The following PIK3C2G variants were observed in gnomAD, a reference collection of about 807,000 sequenced individuals.
PIK3C2G encodes the protein phosphatidylinositol-4-phosphate 3-kinase catalytic subunit type 2 gamma.
Under a neutral mutation model 181.1 loss-of-function variants are expected in PIK3C2G, and 168 were observed. That is an observed-to-expected ratio of 0.93 (90% CI 0.82 to 1.05). The LOEUF is 1.05. PIK3C2G is among the 50% of genes least tolerant of loss of function. The pLI is 0.00. For missense variants in PIK3C2G, 1,869 were observed against 1,732.8 expected (o/e 1.08, Z -1.40); for synonymous variants, 573 against 592.2 (o/e 0.97, Z 0.47).
chr12:18,488,443 C>G lies in PIK3C2G; in HGVS notation c.2505-6C>G, dbSNP rs1224209973. ...ACAAGAATTTTTTTCTCTCTCTTTC[C>G]TTCAGGCTGCTAAAAAATGCAGAAA... On this transcript the variant is annotated splice_region_variant and splice_polypyrimidine_tract_variant and intron_variant, in intron 18 of 32. Transcript: ENST00000538779. 5 of 1,497,822 alleles carry G rather than the reference C, an allele frequency of 3.3e-6. No homozygotes were observed. Among genetic ancestry groups the G allele is most frequent in the African/African-American group, 1.4e-5 (1 of 69,332 alleles). The allele number at this position is 1,497,822 out of a possible 1,614,324, so 92.8% of individuals were successfully genotyped here. A position where few individuals can be genotyped will look rare whatever the true frequency, so the allele number is the denominator to read the frequency against.
intron 11 of PIK3C2G, among the ~76,000 whole-genome samples, chr12:18,349,557 T>A (rs898703472): frequency 3.3e-5 from 5 of 152,184 alleles, no homozygotes. Context: ...AATAATTTGA[T>A]TAAACAAATT....
chr12:18,463,205 C>T (rs1347175762), intron 18 of PIK3C2G, among the ~76,000 whole-genome samples: 3 of 152,104 alleles, frequency 2.0e-5, no homozygotes, highest in East Asian at 1.9e-4. Flanking sequence ...GTATATCCTA[C>T]GTACCAAAAT....
At chr12:18,268,858 A>G (rs1948621910) in intron 1 of PIK3C2G, among the ~76,000 whole-genome samples, 1 of 152,086 alleles carries the variant, frequency 6.6e-6, no homozygotes, top group African/African-American at 2.4e-5. Context: ...TCATATTCTT[A>G]TCAAATATAT....
intron 12 of PIK3C2G, among the ~76,000 whole-genome samples, chr12:18,370,325 T>C (rs116183138): frequency 0.012 from 1,869 of 152,254 alleles, 34 homozygotes; most frequent in African/African-American, 0.043. Context: ...GTTTTTCTCA[T>C]CATTAAAAAT....
At chr12:18,479,053 CGTATACATATATAA>C (rs1232096010) in intron 18 of PIK3C2G, among the ~76,000 whole-genome samples, 1 of 147,776 alleles carries the variant, frequency 6.8e-6, no homozygotes, top group Non-Finnish European at 1.5e-5. Flanking sequence ...TACATATATA[CGTATACATATATAA>C]AATATATCTA....
At chr12:18,576,645 C>T (rs923615336) in intron 29 of PIK3C2G, among the ~76,000 whole-genome samples, 3 of 152,192 alleles carry the variant, frequency 2.0e-5, no homozygotes, top group Non-Finnish European at 4.4e-5. Flanking sequence ...AATTATATAA[C>T]ATGTCTTAAT....
the PIK3C2G span, among the ~76,000 whole-genome samples, chr12:18,707,233 A>T: frequency 1.3e-5 from 2 of 152,208 alleles, no homozygotes; most frequent in African/African-American, 4.8e-5. Context: ...AAAACTTAAT[A>T]TTTTTGGAAG....
At chr12:18,709,862 T>C in the PIK3C2G span, among the ~76,000 whole-genome samples, 2 of 152,184 alleles carry the variant, frequency 1.3e-5, no homozygotes, top group Admixed American at 6.6e-5. Flanking sequence ...GTTTTCAGTA[T>C]ACAGATCTTT....
intron 16 of PIK3C2G, among the ~76,000 whole-genome samples, chr12:18,406,165 C>T (rs899819874): frequency 6.6e-6 from 1 of 152,156 alleles, no homozygotes; most frequent in Non-Finnish European, 1.5e-5. Flanking sequence ...TTATACTTAG[C>T]ATAATGTCCT....
At chr12:18,624,736 G>C (rs902808570) in intron 31 of PIK3C2G, among the ~76,000 whole-genome samples, 2 of 151,434 alleles carry the variant, frequency 1.3e-5, no homozygotes, top group African/African-American at 4.8e-5. Flanking sequence ...GAACTATTCA[G>C]ATTTTCTATT....
chr12:18,601,253 C>A lies in PIK3C2G; in HGVS notation c.4087+6684C>A, dbSNP rs192794053. 2.4e-4 allele frequency among the ~76,000 whole-genome samples: 36 copies of A among 151,068 alleles called. No homozygotes were observed. In the East Asian group the frequency reaches 4.9e-3, roughly 20 times the overall value. On this transcript the variant is annotated intron_variant, in intron 30 of 32. Coordinates refer to ENST00000538779, the MANE Select transcript of PIK3C2G (RefSeq NM_001288772.2). ...AAAGGCATTTGATAAAATTGAATGA[C>A]CTTTCTTAACAAAACAACCAATAAA... is the stretch of plus-strand genomic sequence containing the variant.
the PIK3C2G span, chr12:18,683,268 G>A: frequency 6.2e-7 from 1 of 1,612,558 alleles, no homozygotes; most frequent in East Asian, 2.2e-5. Context: ...TAAACAAACA[G>A]TGAAGCAGGC....
intron 26 of PIK3C2G, among the ~76,000 whole-genome samples, chr12:18,556,609 G>T (rs1945025477): frequency 6.6e-6 from 1 of 152,102 alleles, no homozygotes; most frequent in South Asian, 2.1e-4. Context: ...TTTCACTCCA[G>T]CAAATAAAAT....
intron 8 of PIK3C2G, among the ~76,000 whole-genome samples, chr12:18,331,195 A>C (rs1937927215): frequency 6.6e-6 from 1 of 152,122 alleles, no homozygotes; most frequent in Admixed American, 6.6e-5. Context: ...TTCTTGTTTA[A>C]AAAAATATTT....
chr12:18,599,816 GA>G (rs1328371700), intron 30 of PIK3C2G, among the ~76,000 whole-genome samples: 2 of 151,804 alleles, frequency 1.3e-5, no homozygotes, highest in Non-Finnish European at 2.9e-5. Context: ...TCTTGATGAA[GA>G]AAAAGAGGAA....
At chr12:18,368,373 G>T (rs1003024213) in intron 12 of PIK3C2G, among the ~76,000 whole-genome samples, 1 of 152,150 alleles carries the variant, frequency 6.6e-6, no homozygotes, top group Non-Finnish European at 1.5e-5. Flanking sequence ...GACTTAGAAA[G>T]GTTAAATGCA....
intron 18 of PIK3C2G, among the ~76,000 whole-genome samples, chr12:18,476,956 A>G (rs901995142): frequency 6.6e-6 from 1 of 152,106 alleles, no homozygotes; most frequent in Admixed American, 6.6e-5. Flanking sequence ...TTTAAACAAC[A>G]GAAATTTATT....
chr12:18,661,234 G>A, the PIK3C2G span, among the ~76,000 whole-genome samples: 5 of 152,206 alleles, frequency 3.3e-5, no homozygotes, highest in East Asian at 9.7e-4. Context: ...GGGATTATTT[G>A]AAGAAATAGT....
chr12:18,722,173 C>T, the PIK3C2G span, among the ~76,000 whole-genome samples: 10 of 149,734 alleles, frequency 6.7e-5, no homozygotes, highest in Non-Finnish European at 1.5e-4. Context: ...TTCTGAACAC[C>T]CAACCTGAAC....
Sources: allele counts gnomAD v4.1 joint callset (sites outside exome capture counted in the v4.1 genomes callset), GRCh38; gene constraint gnomAD v4.1.1; transcripts MANE v1.5; gene names NCBI Gene and HGNC (gene_info 2026-07-23, HGNC 2026-07-21).